The following CFAP20DC variants were observed in gnomAD, a reference collection of about 807,000 sequenced individuals.
CFAP20DC encodes the protein protein CFAP20DC.
In CFAP20DC, 84 loss-of-function variants were observed where a neutral mutation model predicts 101.7. That is an observed-to-expected ratio of 0.83 (90% CI 0.69 to 0.99). The LOEUF is 0.99. Ranked by LOEUF, CFAP20DC falls within the 50% of genes least tolerant of loss-of-function variation. The probability of loss-of-function intolerance (pLI) is 0.00; values close to 1 mark genes in which losing one functional copy is unlikely to be tolerated. For synonymous variants in CFAP20DC, 359 were observed against 351.2 expected (o/e 1.02, Z -0.25); for missense variants, 1,007 against 970.3 (o/e 1.04, Z -0.50).
At chr3:58,832,597 C>T (rs1652343933) in intron 13 of CFAP20DC, among the ~76,000 whole-genome samples, 1 of 152,010 alleles carries the variant, frequency 6.6e-6, no homozygotes, top group African/African-American at 2.4e-5. Context: ...TGGTAAAAGC[C>T]ATCAAGTAAA....
chr3:58,743,474 A>G (rs1412830576), intron 16 of CFAP20DC, among the ~76,000 whole-genome samples: 1 of 152,180 alleles, frequency 6.6e-6, no homozygotes, highest in African/African-American at 2.4e-5. Context: ...AGAGGTAATA[A>G]GAAAACACTC....
intron 5 of CFAP20DC, among the ~76,000 whole-genome samples, chr3:58,931,060 C>T (rs1449650707): frequency 2.0e-5 from 3 of 152,164 alleles, no homozygotes; most frequent in Non-Finnish European, 2.9e-5. Flanking sequence ...TTGGGTCACT[C>T]CCACCCGAAT....
At chr3:58,941,821 G>T (rs1286143380) in intron 4 of CFAP20DC, among the ~76,000 whole-genome samples, 1 of 152,142 alleles carries the variant, frequency 6.6e-6, no homozygotes, top group African/African-American at 2.4e-5. Flanking sequence ...CTCCCAAAGT[G>T]CTGGGATTAC....
At chr3:58,902,332 A>G (rs763589495) in intron 6 of CFAP20DC, among the ~76,000 whole-genome samples, 3 of 152,214 alleles carry the variant, frequency 2.0e-5, no homozygotes, top group Admixed American at 6.5e-5. Flanking sequence ...GTAGGGTTAC[A>G]TGGTAATTCT....
rs143320647 is a variant in CFAP20DC at position 58,775,460 on chromosome 3, G to C, written c.2238-21597C>G. Among the ~76,000 whole-genome samples, 7 of 152,236 alleles carry C rather than the reference G, an allele frequency of 4.6e-5. No individual in the cohort carries two copies. The East Asian group carries it at 7.7e-4, about 17-fold the overall frequency. On this transcript the variant is annotated intron_variant, in intron 15 of 16. Transcript: ENST00000482387. ...GTGATTGCAACACATTAGTTAGCAA[G>C]TATTTATTTGCTAACTAACTACCAC...
intron 3 of CFAP20DC, among the ~76,000 whole-genome samples, chr3:59,045,556 T>C (rs1475037809): frequency 6.6e-6 from 1 of 152,150 alleles, no homozygotes; most frequent in Non-Finnish European, 1.5e-5. Context: ...CTGTCTCTGC[T>C]AATAACTGGG....
At chr3:58,726,407 T>C (rs561775634) in intron 3 of CFAP20DC, 1 of 152,998 alleles carries the variant, frequency 6.5e-6, no homozygotes, top group Non-Finnish European at 1.5e-5. Context: ...TCATAGGCTC[T>C]CAAGGATCCA....
intron 12 of CFAP20DC, among the ~76,000 whole-genome samples, chr3:58,851,259 G>T (rs1156692764): frequency 1.3e-5 from 2 of 152,168 alleles, no homozygotes; most frequent in African/African-American, 4.8e-5. Context: ...TGTTTGTGGA[G>T]TGTCTGGGTT....
intron 15 of CFAP20DC, among the ~76,000 whole-genome samples, chr3:58,756,226 C>T (rs539266352): frequency 2.6e-5 from 4 of 152,214 alleles, no homozygotes; most frequent in Admixed American, 2.0e-4. Context: ...TGTAACCCCC[C>T]TCTGACAGTG....
Position 59,026,310 on chromosome 3 carries a change from A to G in CFAP20DC, c.278+13247T>C, listed in dbSNP as rs575016838. ...GTTTAAAAAAGAGCTGCTACTGGCC[A>G]TTGTTGTCTAGTTCTCAACACATAG... is the stretch of plus-strand genomic sequence containing the variant. On this transcript the variant is annotated intron_variant, in intron 4 of 16. Coordinates refer to ENST00000482387, the MANE Select transcript of CFAP20DC (RefSeq NM_001394063.1). Among the ~76,000 whole-genome samples the G allele has an allele frequency of 5.3e-5, 8 of 152,310 alleles. No homozygotes were observed. The South Asian group carries it at 1.7e-3, about 32-fold the overall frequency.
intron 12 of CFAP20DC, among the ~76,000 whole-genome samples, chr3:58,851,672 A>T (rs901621030): frequency 2.6e-5 from 4 of 152,170 alleles, no homozygotes; most frequent in African/African-American, 9.6e-5. Flanking sequence ...TCAGCCATTT[A>T]GTCCATCCCT....
At chr3:59,018,006 T>C (rs1293653232) in intron 4 of CFAP20DC, 1 of 152,100 alleles carries the variant, frequency 6.6e-6, no homozygotes, top group Non-Finnish European at 1.5e-5. Flanking sequence ...CAGATTCCCA[T>C]TCCTAAAAGA....
intron 4 of CFAP20DC, among the ~76,000 whole-genome samples, chr3:58,940,730 A>G (rs1451502608): frequency 6.6e-6 from 1 of 152,148 alleles, no homozygotes; most frequent in Non-Finnish European, 1.5e-5. Flanking sequence ...AAACTCTTCA[A>G]CTTTAGTTTT....
At chr3:59,046,402 C>G (rs984117168) in intron 2 of CFAP20DC, 80 bp from the exon 3 acceptor site, 3 of 874,764 alleles carry the variant, frequency 3.4e-6, no homozygotes, top group Admixed American at 6.1e-5. Flanking sequence ...TTCAGATCTA[C>G]AGGGAAAAAA....
intron 4 of CFAP20DC, among the ~76,000 whole-genome samples, chr3:59,029,938 G>A (rs1264587795): frequency 6.6e-6 from 1 of 152,178 alleles, no homozygotes; most frequent in African/African-American, 2.4e-5. Flanking sequence ...AATTCCTCAA[G>A]CAGAGCTGTT....
chr3:58,826,905 G>C (rs1020416826), intron 14 of CFAP20DC, among the ~76,000 whole-genome samples: 1 of 152,142 alleles, frequency 6.6e-6, no homozygotes, highest in African/African-American at 2.4e-5. Context: ...GGTGGGATGA[G>C]GGTTGGGGAG....
rs569662219 is a variant in CFAP20DC at position 58,804,477 on chromosome 3, C to G, written c.2237+1918G>C. ...TCCTGGGTTCAAGAGATTCTTGTGC[C>G]TCAGCCTCCTGAGTAGCTGGGATTA... On this transcript the variant is annotated intron_variant, in intron 15 of 16. Coordinates refer to ENST00000482387, the MANE Select transcript of CFAP20DC (RefSeq NM_001394063.1). 6.6e-5 allele frequency among the ~76,000 whole-genome samples: 10 copies of G among 151,992 alleles called. No homozygotes were observed. The East Asian group carries it at 1.6e-3, about 24-fold the overall frequency.
At chr3:58,895,469 C>T (rs747778271) in intron 6 of CFAP20DC, among the ~76,000 whole-genome samples, 1 of 152,214 alleles carries the variant, frequency 6.6e-6, no homozygotes, top group Non-Finnish European at 1.5e-5. Context: ...ATCACCTTTG[C>T]TCCAGTTCTC....
Position 58,754,784 on chromosome 3 carries a change from C to T in CFAP20DC, c.2238-921G>A, listed in dbSNP as rs534061049. On this transcript the variant is annotated intron_variant, in intron 15 of 16. Transcript: ENST00000482387. ...TGGCTCTGCAGGCCAGTTCCAGCTC[C>T]GTGCTTCCTACAGTAAGAACTTGGC... is the stretch of plus-strand genomic sequence containing the variant. 2.1e-4 allele frequency among the ~76,000 whole-genome samples: 32 copies of T among 152,286 alleles called. No individual in the cohort carries two copies. In the South Asian group the frequency reaches 5.0e-3, roughly 24 times the overall value.
Sources: gnomAD v4.1 joint callset for allele counts (sites outside exome capture counted in the v4.1 genomes callset) on GRCh38, gnomAD v4.1.1 for gene constraint, MANE v1.5 for transcripts, NCBI Gene and HGNC (gene_info 2026-07-23, HGNC 2026-07-21) for gene names.